ROCK2: variants seen among roughly 807,000 people sequenced by gnomAD.
ROCK2 encodes the protein Rho associated coiled-coil containing protein kinase 2, also known as rho-associated protein kinase 2.
A neutral mutation model predicts 195.1 loss-of-function variants in ROCK2; 61 were observed. The ratio of observed to expected loss-of-function variants is 0.31; its 90% CI spans 0.25 to 0.39. ROCK2 has a LOEUF of 0.39. Among genes scored for constraint, ROCK2 ranks in the 10% least tolerant of loss-of-function variants. ROCK2 has a pLI of 1.00. For synonymous variants in ROCK2, 504 were observed against 545.5 expected, an observed-to-expected ratio of 0.92 and a Z score of 1.06; for missense variants, 1,109 against 1,637.4, an observed-to-expected ratio of 0.68 and a Z score of 5.57.
chr2:11,230,827 A>G (rs2148094142), intron 5 of ROCK2, among the ~76,000 whole-genome samples: 1 of 152,322 alleles, frequency 6.6e-6, no homozygotes, highest in Non-Finnish European at 1.5e-5. Context: ...TTGGTCTAAA[A>G]ACAACTGAAA....
intron 1 of ROCK2, among the ~76,000 whole-genome samples, chr2:11,330,751 G>GA (rs1668698742): frequency 1.0e-5 from 1 of 100,018 alleles, no homozygotes; most frequent in Non-Finnish European, 2.2e-5. Flanking sequence ...GGAGGAGGGA[G>GA]GAGGAGGAGG....
intron 17 of ROCK2, 108 bp downstream of exon 17, chr2:11,214,249 A>C: frequency 1.6e-6 from 1 of 632,488 alleles, no homozygotes; most frequent in Admixed American, 2.9e-5. Context: ...GGAATCCATG[A>C]GCATGTGGAA....
In ROCK2 at chr2:11,180,148, G is replaced by A. The variant is rs1662925311; in HGVS notation, c.*3289C>T. On this transcript the variant is annotated 3_prime_UTR_variant, in exon 33 of 33. Coordinates refer to ENST00000315872, the MANE Select transcript of ROCK2 (RefSeq NM_004850.5). ...TCAATGCAGACTCAGAAGCTCGGCA[G>A]TGACTTGCTCAAATCAGATTTTAGA... 6.6e-6 allele frequency: 1 copy of A among 152,202 alleles called. No individual in the cohort carries two copies. The highest frequency in any genetic ancestry group is 2.1e-4 in the South Asian group (1 of 4,834). The allele number at this position is 152,202 out of a possible 1,614,324, so 9.4% of individuals were successfully genotyped here.
Position 11,227,249 on chromosome 2 carries a change from C to T in ROCK2, c.868+5G>A, listed in dbSNP as rs983478149. ...TTGAAAAAAGAAGTTAAAATATTTA[C>T]TTACCCACTAGCATCTCATAAAGGA... On this transcript the variant is annotated splice_donor_5th_base_variant and intron_variant, in intron 6 of 32. Transcript: ENST00000315872. The T allele has an allele frequency of 3.1e-6, 5 of 1,605,160 alleles. No individual in the cohort carries two copies. The highest frequency in any genetic ancestry group is 3.4e-6 in the Non-Finnish European group (4 of 1,176,048).
rs1195694008 is a variant in ROCK2 at position 11,215,368 on chromosome 2, G to C, written c.1642C>G (p.Gln548Glu). ...TTCTCAGTGGATATTTGAGAGTTTT[G>C]ATTTCTTTTTTTCAAATCTTCAAGT... ...DQLEDLKKRN[Q>E]NSQISTEKVN... Residue 548 changes from glutamine to glutamate, a missense_variant, in exon 15 of 33, where the codon CAA becomes GAA. Coordinates refer to ENST00000315872, the MANE Select transcript of ROCK2 (RefSeq NM_004850.5). 13 of 1,607,364 alleles carry C rather than the reference G, an allele frequency of 8.1e-6. No individual in the cohort carries two copies. The highest frequency in any genetic ancestry group is 1.1e-5 in the Non-Finnish European group (13 of 1,177,850).
At chr2:11,312,108 T>G (rs1668054156) in intron 1 of ROCK2, among the ~76,000 whole-genome samples, 1 of 152,214 alleles carries the variant, frequency 6.6e-6, no homozygotes, top group Non-Finnish European at 1.5e-5. Flanking sequence ...AAACTTTTTG[T>G]ATTGAAAAAC....
intron 10 of ROCK2, 118 bp from the exon 11 acceptor site, chr2:11,218,584 G>C (rs1664512502): frequency 1.5e-6 from 1 of 671,574 alleles, no homozygotes; most frequent in Non-Finnish European, 2.4e-6. Context: ...GCTTTCATAA[G>C]TTTGAAGAAA....
At chr2:11,199,943 A>G (rs560469475) in intron 23 of ROCK2, among the ~76,000 whole-genome samples, 1 of 152,354 alleles carries the variant, frequency 6.6e-6, no homozygotes. Flanking sequence ...CTAAATTTAT[A>G]CTACCCATAG....
intron 5 of ROCK2, among the ~76,000 whole-genome samples, chr2:11,231,697 G>C (rs992298082): frequency 6.6e-6 from 1 of 151,124 alleles, no homozygotes; most frequent in Non-Finnish European, 1.5e-5. Flanking sequence ...TTTTTTTCCT[G>C]AGAGAATAAG....
chr2:11,309,064 G>A (rs72789523), intron 1 of ROCK2: 57,604 of 1,410,462 alleles, frequency 0.041, 1,809 homozygotes, highest in Non-Finnish European at 0.043. Context: ...CCAGTAGGCC[G>A]GAGGGAGTCC....
chr2:11,326,401 CAAG>C (rs930189988), intron 1 of ROCK2, among the ~76,000 whole-genome samples: 100 of 152,224 alleles, frequency 6.6e-4, no homozygotes, highest in African/African-American at 2.3e-3. Context: ...GTTTTAGCAG[CAAG>C]AAGTCCAGAT....
At chr2:11,321,935 T>C (rs1668412399) in intron 1 of ROCK2, among the ~76,000 whole-genome samples, 1 of 152,134 alleles carries the variant, frequency 6.6e-6, no homozygotes, top group Admixed American at 6.6e-5. Context: ...AAATAGGGCC[T>C]TTAAAGAGAT....
intron 1 of ROCK2, among the ~76,000 whole-genome samples, chr2:11,322,057 G>A (rs1164877347): frequency 6.6e-6 from 1 of 152,228 alleles, no homozygotes; most frequent in African/African-American, 2.4e-5. Flanking sequence ...GAAAGGCCAC[G>A]TGAGGACACA....
At chr2:11,316,827 A>G (rs1668207821) in intron 1 of ROCK2, among the ~76,000 whole-genome samples, 1 of 152,198 alleles carries the variant, frequency 6.6e-6, no homozygotes, top group South Asian at 2.1e-4. Context: ...GGCTAAAACA[A>G]AATAGTAAGT....
chr2:11,218,531 C>A, intron 10 of ROCK2, 65 bp from the exon 11 acceptor site: 1 of 1,170,498 alleles, frequency 8.5e-7, no homozygotes, highest in Non-Finnish European at 1.2e-6. Context: ...TGTAAAATTC[C>A]TAAAACACAA....
In ROCK2 at chr2:11,201,483, CA is replaced by C; in HGVS notation, c.2620-71del. 1 of 868,094 alleles carries C rather than the reference CA, an allele frequency of 1.2e-6. No individual in the cohort carries two copies. The allele number at this position is 868,094 out of a possible 1,614,324, so 53.8% of individuals were successfully genotyped here. ...ATTACTTCTACATTCAAAAGCTATT[CA>C]GACAAAAAGGAGAATGAACACATAC... is the stretch of plus-strand genomic sequence containing the variant. On this transcript the variant is annotated intron_variant, in intron 21 of 32. Coordinates refer to ENST00000315872, the MANE Select transcript of ROCK2 (RefSeq NM_004850.5). The surrounding 1 kb of genome is among the most constrained non-coding windows in gnomAD (Gnocchi z 4.6).
intron 18 of ROCK2, among the ~76,000 whole-genome samples, chr2:11,208,971 C>T (rs544578908): frequency 6.6e-6 from 1 of 152,324 alleles, no homozygotes; most frequent in African/African-American, 2.4e-5. Context: ...ATGTATCACA[C>T]TCTGCAATAT....
At chr2:11,261,616 A>G (rs1666228612) in intron 3 of ROCK2, among the ~76,000 whole-genome samples, 1 of 152,180 alleles carries the variant, frequency 6.6e-6, no homozygotes, top group Admixed American at 6.5e-5. Context: ...CAGCAGTTCG[A>G]GACCAGCCTG....
chr2:11,325,868 G>T (rs1053953356), intron 1 of ROCK2, among the ~76,000 whole-genome samples: 18 of 152,262 alleles, frequency 1.2e-4, no homozygotes, highest in African/African-American at 4.3e-4. Context: ...GCAGGGATAT[G>T]CGAGGCAAGT....
Sources: allele counts gnomAD v4.1 joint callset (sites outside exome capture counted in the v4.1 genomes callset), GRCh38; gene constraint gnomAD v4.1.1; non-coding constraint Gnocchi (gnomAD v3.1); transcripts MANE v1.5; gene names NCBI Gene and HGNC (gene_info 2026-07-23, HGNC 2026-07-21).